The following PDPK1 variants were observed in gnomAD, a reference collection of about 807,000 sequenced individuals.
The protein encoded by PDPK1 is 3-phosphoinositide-dependent protein kinase 1.
A neutral mutation model predicts 39.8 loss-of-function variants in PDPK1; 7 were observed. That is an observed-to-expected ratio of 0.18 (90% confidence interval 0.10 to 0.33). PDPK1 has a LOEUF of 0.33. Ranked by LOEUF, PDPK1 falls within the 10% of genes least tolerant of loss-of-function variation. The probability of loss-of-function intolerance (pLI) is 1.00; values close to 1 mark genes in which losing one functional copy is unlikely to be tolerated. For synonymous variants in PDPK1, 118 were observed against 159.1 expected, an observed-to-expected ratio of 0.74 and a Z score of 1.95; for missense variants, 182 against 384.7, an observed-to-expected ratio of 0.47 and a Z score of 4.41.
At chr16:2,592,401 C>G (rs1391180178) in intron 11 of PDPK1, 1 of 272,122 alleles carries the variant, frequency 3.7e-6, no homozygotes, top group African/African-American at 2.3e-5. Context: ...TCAGCTCTTG[C>G]CCAGCCTCCC....
At chr16:2,540,019 G>A (rs903548411) in intron 1 of PDPK1, among the ~76,000 whole-genome samples, 6 of 152,218 alleles carry the variant, frequency 3.9e-5, no homozygotes, top group African/African-American at 1.4e-4. Flanking sequence ...ACGAACGAGC[G>A]TTTTGCATCT....
intron 11 of PDPK1, among the ~76,000 whole-genome samples, chr16:2,589,898 G>A (rs2066953656): frequency 6.6e-6 from 1 of 152,184 alleles, no homozygotes; most frequent in Non-Finnish European, 1.5e-5. Flanking sequence ...CACGGTAGCT[G>A]AGAGACAAAG....
intron 10 of PDPK1, 107 bp from the exon 11 acceptor site, chr16:2,586,569 G>A: frequency 1.1e-6 from 1 of 913,542 alleles, no homozygotes; most frequent in South Asian, 1.5e-5. Flanking sequence ...GCGCCTTGCT[G>A]TGTGCGAGCT....
chr16:2,595,750 T>G (rs776699427), intron 11 of PDPK1, 43 bp from the exon 12 acceptor site: 2 of 1,503,110 alleles, frequency 1.3e-6, no homozygotes, highest in Non-Finnish European at 1.9e-6. Flanking sequence ...AATTTCTGTT[T>G]GTGATTGTCA....
Position 2,599,849 on chromosome 16 carries a change from G to C in PDPK1, c.*2082G>C, listed in dbSNP as rs2067180439. On this transcript the variant is annotated 3_prime_UTR_variant, in exon 14 of 14. Transcript: ENST00000342085. ...GTGGCTTTAATTGGAGCACTCGGCT[G>C]GGCTGCTTGGGGAGACTCTTCCGTG... is the stretch of plus-strand genomic sequence containing the variant. 1 of 233,810 alleles carries C rather than the reference G, an allele frequency of 4.3e-6. No individual in the cohort carries two copies. Among genetic ancestry groups the C allele is most frequent in the Non-Finnish European group, 8.4e-6 (1 of 118,554 alleles). The allele number at this position is 233,810 out of a possible 1,614,324, so 14.5% of individuals were successfully genotyped here. A position where few individuals can be genotyped will look rare whatever the true frequency, so the allele number is the denominator to read the frequency against.
chr16:2,540,090 G>C (rs973989366), intron 1 of PDPK1, among the ~76,000 whole-genome samples: 2 of 152,206 alleles, frequency 1.3e-5, no homozygotes, highest in African/African-American at 2.4e-5. Flanking sequence ...TGTCTGTAAT[G>C]GTAGAGGCAG....
intron 7 of PDPK1, among the ~76,000 whole-genome samples, chr16:2,580,390 G>A (rs2066803180): frequency 6.8e-6 from 1 of 146,626 alleles, no homozygotes; most frequent in Admixed American, 6.7e-5. Context: ...CCTCTAGTGG[G>A]CGAGACGGGG....
At chr16:2,577,526 T>A (rs765763304) in intron 7 of PDPK1, 26 bp downstream of exon 7, 2 of 1,546,800 alleles carry the variant, frequency 1.3e-6, no homozygotes, top group Non-Finnish European at 1.8e-6. Context: ...TAAGCCGTGC[T>A]TCCCTTTTCT....
At position 2,545,100 on chromosome 16, in the gene PDPK1, G is replaced by T. The variant is rs142720910; in HGVS notation, c.24+6964G>T. Among the ~76,000 whole-genome samples, 17 of 148,242 alleles carry T rather than the reference G, an allele frequency of 1.1e-4. No homozygotes were observed. The East Asian group carries it at 3.0e-3, about 26-fold the overall frequency. The stretch of plus-strand genomic sequence containing the variant: ...TGCCCAGGCTGGAGTGCAGTAGTGC[G>T]ATCTTGGCTCACTGCAACCTCCGCC... On this transcript the variant is annotated intron_variant, in intron 1 of 13. Transcript: ENST00000342085.
In PDPK1 at chr16:2,600,280, TA is replaced by T. The variant is rs2067191211; in HGVS notation, c.*2514del. On this transcript the variant is annotated 3_prime_UTR_variant, in exon 14 of 14. Coordinates refer to ENST00000342085, the MANE Select transcript of PDPK1 (RefSeq NM_002613.5). ...GAGGAAGATTTCACCTGCTGTTTAA[TA>T]GACTTGGGGCCATGTGCCTCCCCAC... 4.3e-6 allele frequency: 1 copy of T among 233,392 alleles called. No individual in the cohort carries two copies. Among genetic ancestry groups the T allele is most frequent in the Non-Finnish European group, 8.5e-6 (1 of 118,196 alleles). 14.5% of individuals were successfully genotyped at this position (233,392 alleles called of 1,614,324 possible).
In PDPK1 at chr16:2,543,479, C is replaced by CA. The variant is rs1316580760; in HGVS notation, c.24+5343_24+5344insA. On this transcript the variant is annotated intron_variant, in intron 1 of 13. Coordinates refer to ENST00000342085, the MANE Select transcript of PDPK1 (RefSeq NM_002613.5). ...TCCCCAGATGCCAGCACTCCTGCAT[C>CA]TTCCCCTCCTCTCCTGGCCTGTCAC... is the stretch of plus-strand genomic sequence containing the variant. Among the ~76,000 whole-genome samples the CA allele has an allele frequency of 6.3e-5, 8 of 126,430 alleles. 1 individual carries two copies. Among genetic ancestry groups the CA allele is most frequent in the Non-Finnish European group, 1.3e-4 (8 of 61,066 alleles). The allele number at this position is 126,430 out of a possible 152,430, so 82.9% of individuals were successfully genotyped here.
chr16:2,580,458 G>C (rs1055640712), intron 7 of PDPK1, among the ~76,000 whole-genome samples: 1 of 141,870 alleles, frequency 7.0e-6, no homozygotes, highest in Admixed American at 6.9e-5. Flanking sequence ...TCAGGAAGTG[G>C]CATGACTTGT....
chr16:2,590,018 TG>T (rs1199936901), intron 11 of PDPK1, among the ~76,000 whole-genome samples: 2 of 152,214 alleles, frequency 1.3e-5, no homozygotes, highest in Non-Finnish European at 2.9e-5. Flanking sequence ...AAGAGGGAGT[TG>T]ACATGTCTGC....
intron 11 of PDPK1, chr16:2,594,336 A>G (rs937042732): frequency 1.3e-5 from 2 of 151,726 alleles, no homozygotes; most frequent in Non-Finnish European, 2.9e-5. Context: ...CAAGGTCAGG[A>G]GATTGAGACC....
intron 1 of PDPK1, among the ~76,000 whole-genome samples, chr16:2,541,581 G>A (rs2066245918): frequency 6.6e-6 from 1 of 152,178 alleles, no homozygotes; most frequent in African/African-American, 2.4e-5. Context: ...CCCCAAGCAG[G>A]TGCGAGGGCC....
chr16:2,593,270 T>A lies in PDPK1; in HGVS notation c.1344-2523T>A, dbSNP rs752460823. On this transcript the variant is annotated intron_variant, in intron 11 of 13. Coordinates refer to ENST00000342085, the MANE Select transcript of PDPK1 (RefSeq NM_002613.5). The surrounding 1 kb of genome is among the most constrained non-coding windows in gnomAD (Gnocchi z 4.2). ...CTGGGAATTTTTAGTTTGTGTCATTTTGTTGAGTTTTCTGTTGGGTTCCAA... is the reference window on the plus strand; with the variant it reads ...CTGGGAATTTTTAGTTTGTGTCATTATGTTGAGTTTTCTGTTGGGTTCCAA... 9 of 359,682 alleles carry A rather than the reference T, an allele frequency of 2.5e-5. No homozygotes were observed. The highest frequency in any genetic ancestry group is 4.9e-5 in the Non-Finnish European group (9 of 184,638). The allele number at this position is 359,682 out of a possible 1,614,324, so 22.3% of individuals were successfully genotyped here.
chr16:2,584,721 C>CAA (rs1379117823), intron 10 of PDPK1, among the ~76,000 whole-genome samples: 4 of 150,856 alleles, frequency 2.7e-5, no homozygotes, highest in Admixed American at 2.6e-4. Flanking sequence ...CTGCTAGTGT[C>CAA]AAAGTTTCCC....
At chr16:2,544,678 G>T (rs986771784) in intron 1 of PDPK1, among the ~76,000 whole-genome samples, 2 of 151,936 alleles carry the variant, frequency 1.3e-5, no homozygotes, top group African/African-American at 4.8e-5. Flanking sequence ...CCGCCTCCTG[G>T]GTTCACACCA....
intron 11 of PDPK1, among the ~76,000 whole-genome samples, chr16:2,591,566 C>T (rs1345621029): frequency 6.6e-6 from 1 of 152,220 alleles, no homozygotes; most frequent in African/African-American, 2.4e-5. Context: ...GAAGTGACTC[C>T]AGTCTCTAAA....
Sources: gnomAD v4.1 joint callset for allele counts (sites outside exome capture counted in the v4.1 genomes callset) on GRCh38, gnomAD v4.1.1 for gene constraint, Gnocchi (gnomAD v3.1) non-coding constraint, MANE v1.5 for transcripts, NCBI Gene and HGNC (gene_info 2026-07-23, HGNC 2026-07-21) for gene names.